Variants in HP1BP3 observed in about 807,000 individuals in gnomAD.
The protein encoded by HP1BP3 is heterochromatin protein 1 binding protein 3.
Under a neutral mutation model 62.5 loss-of-function variants are expected in HP1BP3, and 12 were observed. That is an observed-to-expected ratio of 0.19 (90% CI 0.12 to 0.31). The LOEUF is 0.31. Among genes scored for constraint, HP1BP3 ranks in the 10% least tolerant of loss-of-function variants. HP1BP3 has a pLI of 1.00. For missense variants in HP1BP3, 502 were observed against 651.8 expected, an observed-to-expected ratio of 0.77 and a Z score of 2.50; for synonymous variants, 260 against 237.8, an observed-to-expected ratio of 1.09 and a Z score of -0.86.
chr1:20,766,738 G>T (rs1354666050), intron 7 of HP1BP3, among the ~76,000 whole-genome samples: 1 of 151,456 alleles, frequency 6.6e-6, no homozygotes, highest in Admixed American at 6.6e-5. Context: ...TCAGGAGGTG[G>T]AGGCCAGCCT....
intron 6 of HP1BP3, 136 bp downstream of exon 6, chr1:20,770,794 A>T: frequency 1.5e-6 from 1 of 648,134 alleles, no homozygotes; most frequent in Non-Finnish European, 2.4e-6. Flanking sequence ...TAATTCAACT[A>T]GGTTAAACTT....
rs147774133 is a variant in HP1BP3, at chr1:20,771,519, A to C, written c.511-446T>G. 3.8e-3 allele frequency among the ~76,000 whole-genome samples: 573 copies of C among 152,338 alleles called. 2 individuals carry two copies. Among genetic ancestry groups the C allele is most frequent in the African/African-American group, 0.013 (527 of 41,570 alleles). On this transcript the variant is annotated intron_variant, in intron 5 of 12. Transcript: ENST00000438032. ...TGTATGAATGTCAGCAGAAAGAAGA[A>C]TCAAAGATAATCTGAATAAGTGGCA...
At position 20,757,238 on chromosome 1, in the gene HP1BP3, G is replaced by T; in HGVS notation, c.909C>A (p.Asn303Lys). Residue 303 changes from asparagine (N) to lysine (K), a missense_variant, in exon 9 of 13, where the codon AAC becomes AAA. By Grantham distance (94) the Asn-to-Lys change is moderately conservative. This residue lies in a region of HP1BP3 where 111 missense variants were observed against 242.0 expected (regional missense o/e 0.46). Transcript: ENST00000438032. ...CCCTCTCTACTGCTCTCTGCAGAGC[G>T]TTCTTCAACAGCTGAGGCCTGCAAA... Reference protein sequence around the residue: ...RVDIRPQLLKNALQRAVERGQ... With the variant: ...RVDIRPQLLKKALQRAVERGQ... 1 of 1,604,196 alleles carries T rather than the reference G, an allele frequency of 6.2e-7. No homozygotes were observed.
chr1:20,752,151 T>C (rs1211133885), intron 9 of HP1BP3, among the ~76,000 whole-genome samples: 2 of 151,838 alleles, frequency 1.3e-5, no homozygotes, highest in South Asian at 2.1e-4. Context: ...TCCCAGCTAC[T>C]TGGGCAAGGC....
At chr1:20,749,156 A>G (rs998151733) in intron 10 of HP1BP3, among the ~76,000 whole-genome samples, 19 of 152,236 alleles carry the variant, frequency 1.2e-4, no homozygotes, top group Non-Finnish European at 2.1e-4. Context: ...AGATTTATCT[A>G]AATTACAATA....
In HP1BP3 at chr1:20,744,629, C is replaced by T. The variant is rs1461282900; in HGVS notation, c.*168G>A. On this transcript the variant is annotated 3_prime_UTR_variant, in exon 13 of 13. Transcript: ENST00000438032. The stretch of plus-strand genomic sequence containing the variant: ...AAAAGGGCAGGCACCAATAAAAGCA[C>T]CTAAAGCTAGCAAATGCCTAAACTG... The T allele has an allele frequency of 7.8e-6, 5 of 638,604 alleles. No homozygotes were observed. The highest frequency in any genetic ancestry group is 1.8e-5 in the African/African-American group (1 of 54,204). 39.6% of individuals were successfully genotyped at this position (638,604 alleles called of 1,614,324 possible).
At chr1:20,761,839 T>C (rs1006779724) in intron 8 of HP1BP3, among the ~76,000 whole-genome samples, 1 of 151,896 alleles carries the variant, frequency 6.6e-6, no homozygotes, top group Non-Finnish European at 1.5e-5. Flanking sequence ...ATCAGGAAAG[T>C]GTGGTGTCCT....
intron 5 of HP1BP3, among the ~76,000 whole-genome samples, chr1:20,773,026 A>G (rs574886388): frequency 6.6e-6 from 1 of 152,270 alleles, no homozygotes; most frequent in Non-Finnish European, 1.5e-5. Context: ...TTTAAACAAA[A>G]ATTCTCAATA....
rs1553160041 is a variant in HP1BP3 at position 20,757,372 on chromosome 1, A to ATTC, written c.891-117_891-116insGAA. The ATTC allele has an allele frequency of 1.8e-5, 6 of 325,084 alleles. No individual in the cohort carries two copies. The Admixed American group carries it at 3.2e-4, about 17-fold the overall frequency. 20.1% of individuals were successfully genotyped at this position (325,084 alleles called of 1,614,324 possible). Reference sequence around the variant, plus strand: ...AGTTCTGATTACTATTATTATTATTATTTTTTTTTTTTTTTTGAGGTGGAG... The same window carrying ATTC: ...AGTTCTGATTACTATTATTATTATTATTCTTTTTTTTTTTTTTTTGAGGTGGAG... On this transcript the variant is annotated intron_variant, in intron 8 of 12. Coordinates refer to ENST00000438032, the MANE Select transcript of HP1BP3 (RefSeq NM_001372052.1).
chr1:20,745,005 G>A lies in HP1BP3; in HGVS notation c.1454C>T (p.Ala485Val). The A allele has an allele frequency of 6.2e-7, 1 of 1,614,184 alleles. No homozygotes were observed. Among genetic ancestry groups the A allele is most frequent in the Non-Finnish European group, 8.5e-7 (1 of 1,180,024 alleles). ...RGSKPAPKVS[A>V]AQRGKARPLP... Reference sequence around the variant, plus strand: ...GGGCCTAGCTTTCCCCCGCTGGGCAGCTGAGACTTTAGGTGCAGGTTTGGA... The same window carrying A: ...GGGCCTAGCTTTCCCCCGCTGGGCAACTGAGACTTTAGGTGCAGGTTTGGA... The change falls in exon 13 of 13, where the codon GCT becomes GTT. Residue 485 changes from alanine (A) to valine (V), a missense_variant. Physicochemically the swap from Ala to Val is moderately conservative, Grantham distance 64. Around this residue, in one of 5 missense-constraint regions of HP1BP3, gnomAD observed 194 missense variants for 207.0 expected, o/e 0.94. Coordinates refer to ENST00000438032, the MANE Select transcript of HP1BP3 (RefSeq NM_001372052.1).
At chr1:20,766,554 A>C (rs1454681194) in intron 7 of HP1BP3, among the ~76,000 whole-genome samples, 3 of 152,370 alleles carry the variant, frequency 2.0e-5, no homozygotes, top group South Asian at 4.1e-4. Flanking sequence ...AAATGAAATT[A>C]TATGTGTTGG....
chr1:20,775,963 C>T, intron 4 of HP1BP3: 10 of 1,504,062 alleles, frequency 6.6e-6, no homozygotes, highest in Non-Finnish European at 8.9e-6. Flanking sequence ...TCTAACTGTT[C>T]TGACCAATTA....
chr1:20,764,872 T>G (rs1009218515), intron 8 of HP1BP3, among the ~76,000 whole-genome samples: 1 of 147,562 alleles, frequency 6.8e-6, no homozygotes, highest in Non-Finnish European at 1.5e-5. Flanking sequence ...CAAGACTTCA[T>G]CTCAAAAAAA....
intron 9 of HP1BP3, among the ~76,000 whole-genome samples, chr1:20,753,862 G>GGGAACTTGCTCAACCTGACA (rs2055930847): frequency 6.6e-6 from 1 of 151,402 alleles, no homozygotes; most frequent in Non-Finnish European, 1.5e-5. Flanking sequence ...ATATATAGAA[G>GGGAACTTGCTCAACCTGACA]GGAACTTGCT....
intron 1 of HP1BP3, among the ~76,000 whole-genome samples, chr1:20,784,903 T>C (rs992243383): frequency 1.3e-5 from 2 of 152,224 alleles, no homozygotes; most frequent in Non-Finnish European, 2.9e-5. Context: ...TAACAAATAT[T>C]TGCTTTTTGT....
chr1:20,776,154 C>A, intron 4 of HP1BP3: 1 of 687,956 alleles, frequency 1.5e-6, no homozygotes, highest in Non-Finnish European at 2.3e-6. Context: ...ACTTTTAGGT[C>A]ACACTACCAA....
chr1:20,777,747 C>T (rs145561519), intron 3 of HP1BP3, among the ~76,000 whole-genome samples: 50 of 152,290 alleles, frequency 3.3e-4, no homozygotes, highest in African/African-American at 1.1e-3. Flanking sequence ...CGTGAGCCAC[C>T]GCGCCCAGCT....
chr1:20,784,610 G>A (rs1445874514), intron 1 of HP1BP3, among the ~76,000 whole-genome samples: 1 of 151,556 alleles, frequency 6.6e-6, no homozygotes, highest in African/African-American at 2.4e-5. Context: ...CTGAGTAGCT[G>A]GGACTACAGG....
At chr1:20,784,616 A>G (rs2057733366) in intron 1 of HP1BP3, among the ~76,000 whole-genome samples, 1 of 151,026 alleles carries the variant, frequency 6.6e-6, no homozygotes, top group Non-Finnish European at 1.5e-5. Context: ...AGCTGGGACT[A>G]CAGGCGTCCG....
Sources: gnomAD v4.1 joint callset for allele counts (sites outside exome capture counted in the v4.1 genomes callset) on GRCh38, gnomAD v4.1.1 for gene constraint, gnomAD v4.1.1 regional missense constraint, MANE v1.5 for transcripts, NCBI Gene and HGNC (gene_info 2026-07-23, HGNC 2026-07-21) for gene names.